Variants in PITPNM2 observed in about 807,000 individuals in gnomAD.
PITPNM2 encodes the protein membrane-associated phosphatidylinositol transfer protein 2.
A neutral mutation model predicts 132.2 loss-of-function variants in PITPNM2; 35 were observed. That is an observed-to-expected ratio of 0.26 (90% CI 0.20 to 0.35). The LOEUF (loss-of-function observed/expected upper bound fraction) is 0.35. PITPNM2 is among the 10% of genes least tolerant of loss of function. PITPNM2 has a pLI of 1.00. For synonymous variants in PITPNM2, 738 were observed against 799.2 expected (o/e 0.92, Z 1.29); for missense variants, 1,332 against 1,912.0 (o/e 0.70, Z 5.66).
intron 2 of PITPNM2, among the ~76,000 whole-genome samples, chr12:123,063,361 C>T (rs897123449): frequency 6.6e-6 from 1 of 152,244 alleles, no homozygotes; most frequent in Non-Finnish European, 1.5e-5. Flanking sequence ...GGCTGCATTT[C>T]TTCACCTGCA....
intron 1 of PITPNM2, among the ~76,000 whole-genome samples, chr12:123,112,173 G>C (rs554698563): frequency 2.0e-5 from 3 of 152,304 alleles, no homozygotes; most frequent in Admixed American, 6.5e-5. Context: ...GTGAATGCAG[G>C]GTCAGGCTAA....
Position 123,097,435 on chromosome 12 carries a change from C to T in PITPNM2, c.-96+12950G>A, listed in dbSNP as rs1272524790. ...TGCACAGTCCTCAAGAGGCCAGCAC[C>T]TCCTTTCCTCTCCTTGGCAGACCCT... On this transcript the variant is annotated intron_variant, in intron 2 of 25. Transcript: ENST00000320201. This position sits in a 1 kb window ranked among gnomAD's most constrained non-coding sequence, Gnocchi z 4.7. Among the ~76,000 whole-genome samples the T allele has an allele frequency of 2.0e-5, 3 of 152,174 alleles. No homozygotes were observed. Among genetic ancestry groups the T allele is most frequent in the Non-Finnish European group, 4.4e-5 (3 of 68,026 alleles).
At chr12:123,104,723 G>A (rs779154545) in intron 2 of PITPNM2, among the ~76,000 whole-genome samples, 13 of 152,012 alleles carry the variant, frequency 8.6e-5, no homozygotes, top group Admixed American at 3.3e-4. Flanking sequence ...GATTCAGCCC[G>A]CCTGCACCCA....
intron 1 of PITPNM2, among the ~76,000 whole-genome samples, chr12:123,131,239 G>A (rs1337120155): frequency 6.6e-6 from 1 of 152,152 alleles, no homozygotes; most frequent in Non-Finnish European, 1.5e-5. Flanking sequence ...CCAATGACTG[G>A]TGTCCTTATA....
At chr12:123,057,749 C>T (rs1208733563) in intron 2 of PITPNM2, among the ~76,000 whole-genome samples, 1 of 152,204 alleles carries the variant, frequency 6.6e-6, no homozygotes, top group Non-Finnish European at 1.5e-5. Context: ...CACCGCGACG[C>T]CCACCCCTAG....
chr12:123,019,836 C>T (rs2039597292), intron 3 of PITPNM2, among the ~76,000 whole-genome samples: 1 of 152,188 alleles, frequency 6.6e-6, no homozygotes. Flanking sequence ...GATTAGAAGA[C>T]ATGAGGGGAG....
At chr12:123,079,350 CTTTTTTTTTTTTTTTT>C (rs139205213) in intron 2 of PITPNM2, among the ~76,000 whole-genome samples, 6 of 53,834 alleles carry the variant, frequency 1.1e-4, no homozygotes, top group Admixed American at 6.0e-4. Context: ...TTTTTCTTTT[CTTTTTTTTTTTTTTTT>C]TTTTTTTTTT....
rs550816297 is a variant in PITPNM2 at position 123,022,831 on chromosome 12, C to A, written c.79-8789G>T. Among the ~76,000 whole-genome samples, 2 of 152,356 alleles carry A rather than the reference C, an allele frequency of 1.3e-5. No individual in the cohort carries two copies. Among genetic ancestry groups the A allele is most frequent in the African/African-American group, 4.8e-5 (2 of 41,578 alleles). The stretch of plus-strand genomic sequence containing the variant: ...GCAGGAATTGAGGGGAAGGGGAGGT[C>A]TGTTCCTGAAGGAGGGGCACCGGCC... On this transcript the variant is annotated intron_variant, in intron 3 of 25. Transcript: ENST00000320201. This position sits in a 1 kb window ranked among gnomAD's most constrained non-coding sequence, Gnocchi z 4.9.
chr12:123,015,416 T>A (rs1450306465), intron 3 of PITPNM2, among the ~76,000 whole-genome samples: 2 of 152,188 alleles, frequency 1.3e-5, no homozygotes, highest in Non-Finnish European at 2.9e-5. Flanking sequence ...CAATTAATTT[T>A]TGAGAAGGGT....
In PITPNM2 at chr12:123,097,542, C is replaced by T. The variant is rs904125574; in HGVS notation, c.-96+12843G>A. Among the ~76,000 whole-genome samples, 4 of 152,240 alleles carry T rather than the reference C, an allele frequency of 2.6e-5. No individual in the cohort carries two copies. The highest frequency in any genetic ancestry group is 4.1e-4 in the South Asian group (2 of 4,822). On this transcript the variant is annotated intron_variant, in intron 2 of 25. Coordinates refer to ENST00000320201, the MANE Select transcript of PITPNM2 (RefSeq NM_020845.3). This position sits in a 1 kb window ranked among gnomAD's most constrained non-coding sequence, Gnocchi z 4.7. ...GGAAGGGAGATTGTCTTTCTTAAGG[C>T]ACGCACATGCTCAGCAGTGATGGCA...
intron 1 of PITPNM2, among the ~76,000 whole-genome samples, chr12:123,143,219 A>G (rs1185794597): frequency 1.3e-5 from 2 of 149,900 alleles, no homozygotes; most frequent in Non-Finnish European, 3.0e-5. Context: ...CCACTGGCTC[A>G]CCACCTCATG....
In PITPNM2 at chr12:123,000,149, C is replaced by A. The variant is rs2038596107; in HGVS notation, c.1224+629G>T. On this transcript the variant is annotated intron_variant, in intron 10 of 25. Transcript: ENST00000320201. This position sits in a 1 kb window ranked among gnomAD's most constrained non-coding sequence, Gnocchi z 5.4. ...GTGGTGCTGCCTCCACCTTAGGTAG[C>A]TTGAGGCCAGAGCAGTGCGGTGACC... Among the ~76,000 whole-genome samples, 2 of 152,216 alleles carry A rather than the reference C, an allele frequency of 1.3e-5. No individual in the cohort carries two copies. Among genetic ancestry groups the A allele is most frequent in the South Asian group, 4.1e-4 (2 of 4,830 alleles).
intron 1 of PITPNM2, among the ~76,000 whole-genome samples, chr12:123,114,095 G>A (rs183983344): frequency 4.6e-5 from 7 of 152,152 alleles, no homozygotes; most frequent in South Asian, 4.2e-4. Flanking sequence ...TTCATCCATC[G>A]ATGGACATTT....
chr12:122,990,006 C>T, intron 17 of PITPNM2, 58 bp from the exon 18 acceptor site: 2 of 1,251,870 alleles, frequency 1.6e-6, no homozygotes, highest in Non-Finnish European at 1.0e-6. Flanking sequence ...ACTGCCACGT[C>T]TACCAGGGGC....
At chr12:123,027,680 A>G (rs886806242) in intron 3 of PITPNM2, among the ~76,000 whole-genome samples, 1 of 152,262 alleles carries the variant, frequency 6.6e-6, no homozygotes, top group African/African-American at 2.4e-5. Context: ...AGTCAGTGGC[A>G]GAGCCACTGG....
chr12:123,133,360 T>C (rs775502074), intron 1 of PITPNM2, among the ~76,000 whole-genome samples: 50 of 152,232 alleles, frequency 3.3e-4, no homozygotes, highest in Non-Finnish European at 6.3e-4. Flanking sequence ...ATGCTGGCTG[T>C]AGAGTCAGGA....
At chr12:123,018,689 T>C (rs1214426211) in intron 3 of PITPNM2, among the ~76,000 whole-genome samples, 1 of 152,128 alleles carries the variant, frequency 6.6e-6, no homozygotes, top group Non-Finnish European at 1.5e-5. Flanking sequence ...CCTCAAGTAA[T>C]TCTCCTGTCT....
intron 1 of PITPNM2, among the ~76,000 whole-genome samples, chr12:123,119,421 C>G (rs12313619): frequency 0.13 from 20,079 of 149,196 alleles, 4,592 homozygotes; most frequent in African/African-American, 0.47. Context: ...GCAGTGGAAC[C>G]ATCTTGGCTC....
chr12:123,111,917 G>A lies in PITPNM2; in HGVS notation c.-199-1429C>T, dbSNP rs1196805877. 6.6e-6 allele frequency among the ~76,000 whole-genome samples: 1 copy of A among 152,210 alleles called. No homozygotes were observed. The highest frequency in any genetic ancestry group is 1.5e-5 in the Non-Finnish European group (1 of 68,036). On this transcript the variant is annotated intron_variant, in intron 1 of 25. Transcript: ENST00000320201. The surrounding 1 kb of genome is among the most constrained non-coding windows in gnomAD (Gnocchi z 4.1). ...TCTGAAGTCTCCCCATGTTCGAGGT[G>A]AGGAAAGCTGTTGAGAGGGTTGAGG...
Sources: gnomAD v4.1 joint callset for allele counts (sites outside exome capture counted in the v4.1 genomes callset) on GRCh38, gnomAD v4.1.1 for gene constraint, Gnocchi (gnomAD v3.1) non-coding constraint, MANE v1.5 for transcripts, NCBI Gene and HGNC (gene_info 2026-07-23, HGNC 2026-07-21) for gene names.